ZMIZ1: variants seen among roughly 807,000 people sequenced by gnomAD.
ZMIZ1 encodes the protein zinc finger MIZ-type containing 1.
In ZMIZ1, 17 loss-of-function variants were observed where a neutral mutation model predicts 113.9. The observed-to-expected ratio is 0.15, with a 90% CI of 0.10 to 0.22. ZMIZ1 has a LOEUF of 0.22. ZMIZ1 is among the 10% of genes least tolerant of loss of function. ZMIZ1 has a pLI of 1.00. For synonymous variants in ZMIZ1, 607 were observed against 603.1 expected, an observed-to-expected ratio of 1.01 and a Z score of -0.09; for missense variants, 1,059 against 1,477.8, an observed-to-expected ratio of 0.72 and a Z score of 4.65.
chr10:79,258,919 T>C (rs1177035976), intron 7 of ZMIZ1, among the ~76,000 whole-genome samples: 1 of 152,120 alleles, frequency 6.6e-6, no homozygotes, highest in African/African-American at 2.4e-5. Context: ...AGAACTAATG[T>C]GGGGAGGGCA....
chr10:79,097,092 C>G (rs1398100944), intron 1 of ZMIZ1, among the ~76,000 whole-genome samples: 2 of 152,244 alleles, frequency 1.3e-5, no homozygotes, highest in African/African-American at 2.4e-5. Flanking sequence ...TATCTTCCAG[C>G]TCCACTTGCC....
At chr10:79,103,583 C>T (rs759862898) in intron 1 of ZMIZ1, among the ~76,000 whole-genome samples, 3 of 151,608 alleles carry the variant, frequency 2.0e-5, no homozygotes, top group Non-Finnish European at 2.9e-5. Flanking sequence ...AGAACAGGAT[C>T]TAGGGGAGGG....
In ZMIZ1 at chr10:79,307,422, C is replaced by T. The variant is rs1251707305; in HGVS notation, c.2686C>T (p.His896Tyr). ...YSSQGNNYQG[H>Y]GNFDFPHGNP... ...CTTCCTAGGCAACAACTACCAAGGC[C>T]ATGGCAACTTTGACTTCCCCCACGG... Residue 896 changes from histidine (H) to tyrosine (Y), a missense_variant, in exon 23 of 25, where the codon CAT becomes TAT. By Grantham distance (83) the His-to-Tyr change is moderately conservative. Around this residue, in one of 6 missense-constraint regions of ZMIZ1, gnomAD observed 225 missense variants for 276.0 expected, o/e 0.82. Transcript: ENST00000334512. The T allele has an allele frequency of 1.6e-5, 26 of 1,612,978 alleles. No homozygotes were observed. The highest frequency in any genetic ancestry group is 1.9e-5 in the Non-Finnish European group (23 of 1,179,520).
chr10:79,206,837 C>G (rs1230963434), intron 5 of ZMIZ1, among the ~76,000 whole-genome samples: 4 of 152,374 alleles, frequency 2.6e-5, no homozygotes, highest in African/African-American at 9.6e-5. Context: ...CCCTCTTTCT[C>G]TCCTACATCT....
chr10:79,106,079 C>G lies in ZMIZ1; in HGVS notation c.-336-12836C>G, dbSNP rs966424984. On this transcript the variant is annotated intron_variant, in intron 1 of 24. Coordinates refer to ENST00000334512, the MANE Select transcript of ZMIZ1 (RefSeq NM_020338.4). ...CATTCTGGCATCCGGGCCAAGGAAA[C>G]CACTCTCGTGGAGAGTCTTGGCCAA... Among the ~76,000 whole-genome samples the G allele has an allele frequency of 2.0e-5, 3 of 152,248 alleles. No individual in the cohort carries two copies. In the East Asian group the frequency reaches 5.8e-4, roughly 29 times the overall value.
intron 7 of ZMIZ1, among the ~76,000 whole-genome samples, chr10:79,239,832 A>G (rs1849735724): frequency 6.6e-6 from 1 of 152,276 alleles, no homozygotes; most frequent in East Asian, 1.9e-4. Flanking sequence ...GTGGGTAAAC[A>G]GGGGAGCCCT....
chr10:79,185,628 TCTC>T (rs1445828418), intron 4 of ZMIZ1, among the ~76,000 whole-genome samples: 2 of 152,152 alleles, frequency 1.3e-5, no homozygotes, highest in Non-Finnish European at 2.9e-5. Context: ...CTTTGTATCT[TCTC>T]CTCCCTCAAC....
chr10:79,293,395 G>A lies in ZMIZ1; in HGVS notation c.972G>A (p.Gln324=), dbSNP rs1468043926. The A allele has an allele frequency of 6.6e-7, 1 of 1,516,352 alleles. No homozygotes were observed. 93.9% of individuals were successfully genotyped at this position (1,516,352 alleles called of 1,614,324 possible). A position where few individuals can be genotyped will look rare whatever the true frequency, so the allele number is the denominator to read the frequency against. Residue 324 remains glutamine (Q), a synonymous_variant, in exon 12 of 25, where the codon CAG becomes CAA. Transcript: ENST00000334512. ...INQYGPMGPT[Q]AYNSQFMNQP... ...CCTCTTTCCAGATGGGTCCCACCCA[G>A]GCGTATAACAGCCAATTCATGAACC...
At chr10:79,195,684 T>A (rs1241348033) in intron 4 of ZMIZ1, among the ~76,000 whole-genome samples, 2 of 152,152 alleles carry the variant, frequency 1.3e-5, no homozygotes, top group Non-Finnish European at 2.9e-5. Context: ...CCCAGTGATG[T>A]AAGTGACTGG....
In ZMIZ1 at chr10:79,231,246, T is replaced by C. The variant is rs183558926; in HGVS notation, c.280+14972T>C. On this transcript the variant is annotated intron_variant, in intron 7 of 24. Coordinates refer to ENST00000334512, the MANE Select transcript of ZMIZ1 (RefSeq NM_020338.4). The stretch of plus-strand genomic sequence containing the variant: ...TGATTCCACAAGAAGCTTGGAGTTA[T>C]TGTTTTTGTTTTTGTTTTGAAACGG... Among the ~76,000 whole-genome samples the C allele has an allele frequency of 4.9e-3, 749 of 152,290 alleles. 6 individuals carry two copies. The highest frequency in any genetic ancestry group is 0.017 in the African/African-American group (699 of 41,566).
chr10:79,271,290 G>A (rs1046445393), intron 7 of ZMIZ1, among the ~76,000 whole-genome samples: 6 of 152,228 alleles, frequency 3.9e-5, no homozygotes, highest in South Asian at 2.1e-4. Flanking sequence ...TCTACTGAGC[G>A]AGGCAGAAAC....
At chr10:79,148,934 C>A (rs576123016) in intron 3 of ZMIZ1, among the ~76,000 whole-genome samples, 2 of 152,372 alleles carry the variant, frequency 1.3e-5, no homozygotes, top group Non-Finnish European at 2.9e-5. Flanking sequence ...GTGGCCCCGC[C>A]AGGGCCTGTT....
chr10:79,218,416 AG>A (rs1345829014), intron 7 of ZMIZ1, among the ~76,000 whole-genome samples: 22 of 152,138 alleles, frequency 1.4e-4, no homozygotes, highest in African/African-American at 5.1e-4. Flanking sequence ...TGGAGGTTGC[AG>A]TGAGTCAAGA....
At chr10:79,231,694 T>C (rs1016207883) in intron 7 of ZMIZ1, among the ~76,000 whole-genome samples, 2 of 152,072 alleles carry the variant, frequency 1.3e-5, no homozygotes, top group African/African-American at 4.8e-5. Flanking sequence ...TTCTCCTATC[T>C]CCGCCTCCCA....
intron 7 of ZMIZ1, among the ~76,000 whole-genome samples, chr10:79,254,442 G>T (rs1850749365): frequency 6.6e-6 from 1 of 152,272 alleles, no homozygotes; most frequent in Admixed American, 6.5e-5. Context: ...CATAAGCCGG[G>T]CTGGACGGCC....
At chr10:79,240,888 GGCTCAACCTACCAAAGTGGTTTT>G (rs1287440516) in intron 7 of ZMIZ1, among the ~76,000 whole-genome samples, 1 of 151,938 alleles carries the variant, frequency 6.6e-6, no homozygotes, top group Non-Finnish European at 1.5e-5. Flanking sequence ...TCCAAATTCT[GGCTCAACCTACCAAAGTGGTTTT>G]GCTGAACTCA....
At chr10:79,137,618 G>A (rs1219708073) in intron 2 of ZMIZ1, among the ~76,000 whole-genome samples, 1 of 152,230 alleles carries the variant, frequency 6.6e-6, no homozygotes, top group Non-Finnish European at 1.5e-5. Context: ...CCAAGCTTCA[G>A]GTTCCTGCCG....
intron 7 of ZMIZ1, among the ~76,000 whole-genome samples, chr10:79,237,858 CA>C (rs1212074144): frequency 6.6e-6 from 1 of 152,002 alleles, no homozygotes; most frequent in Non-Finnish European, 1.5e-5. Context: ...CCTTGTTTTA[CA>C]AAGGAGGAGG....
chr10:79,193,386 T>C (rs2080125218), intron 4 of ZMIZ1, among the ~76,000 whole-genome samples: 1 of 152,206 alleles, frequency 6.6e-6, no homozygotes, highest in Non-Finnish European at 1.5e-5. Context: ...CAGAAGTACA[T>C]GTATCTCTCT....
Sources: allele counts gnomAD v4.1 joint callset (sites outside exome capture counted in the v4.1 genomes callset), GRCh38; gene constraint gnomAD v4.1.1; regional missense constraint gnomAD v4.1.1; transcripts MANE v1.5; gene names NCBI Gene and HGNC (gene_info 2026-07-23, HGNC 2026-07-21).